The following ABTB3 variants were observed in gnomAD, a reference collection of about 807,000 sequenced individuals.
ABTB3 encodes ankyrin repeat and BTB domain containing 3.
At chr12:107,626,341 A>ATTTTTTTTTTTTTTTTTTTTTTT in the ABTB3 span, among the ~76,000 whole-genome samples, 2 of 107,864 alleles carry the variant, frequency 1.9e-5, no homozygotes, top group African/African-American at 7.3e-5. Context: ...TACTATCGTC[A>ATTTTTTTTTTTTTTTTTTTTTTT]TCTTTTTTTT....
chr12:107,461,186 G>A, the ABTB3 span, among the ~76,000 whole-genome samples: 36 of 152,210 alleles, frequency 2.4e-4, no homozygotes, highest in African/African-American at 7.0e-4. Flanking sequence ...CAGTATGGGC[G>A]AACCCACCCC....
chr12:107,354,119 C>T, the ABTB3 span, among the ~76,000 whole-genome samples: 2 of 152,268 alleles, frequency 1.3e-5, no homozygotes, highest in East Asian at 1.9e-4. Flanking sequence ...AATAGTTCCA[C>T]AACCTTCCCC....
At chr12:107,417,565 G>T in the ABTB3 span, among the ~76,000 whole-genome samples, 1 of 152,192 alleles carries the variant, frequency 6.6e-6, no homozygotes, top group Admixed American at 6.5e-5. Flanking sequence ...ACAACCTCAG[G>T]CAAGTTATTC....
chr12:107,342,297 C>T, the ABTB3 span, among the ~76,000 whole-genome samples: 4 of 151,974 alleles, frequency 2.6e-5, no homozygotes, highest in African/African-American at 9.7e-5. Flanking sequence ...CTGAAGCTTC[C>T]ATCCAAGCAG....
the ABTB3 span, among the ~76,000 whole-genome samples, chr12:107,418,272 G>A: frequency 6.6e-6 from 1 of 152,174 alleles, no homozygotes; most frequent in Non-Finnish European, 1.5e-5. Flanking sequence ...GATGCTTCCT[G>A]CCCTTGAATA....
chr12:107,442,147 C>T, the ABTB3 span, among the ~76,000 whole-genome samples: 1 of 152,198 alleles, frequency 6.6e-6, no homozygotes, highest in African/African-American at 2.4e-5. Context: ...CGACGAGTCT[C>T]TGCATTTCCG....
chr12:107,383,084 A>G, the ABTB3 span, among the ~76,000 whole-genome samples: 14 of 152,002 alleles, frequency 9.2e-5, no homozygotes, highest in African/African-American at 3.1e-4. Context: ...CCCTGACCCC[A>G]TGTCAAGGCC....
At chr12:107,624,015 T>G in the ABTB3 span, among the ~76,000 whole-genome samples, 2 of 152,104 alleles carry the variant, frequency 1.3e-5, no homozygotes, top group Non-Finnish European at 2.9e-5. Flanking sequence ...GCATTCCATG[T>G]CAGGGAACTG....
At chr12:107,419,886 C>A in the ABTB3 span, among the ~76,000 whole-genome samples, 1 of 152,196 alleles carries the variant, frequency 6.6e-6, no homozygotes, top group Admixed American at 6.5e-5. Flanking sequence ...GAGGGAGCAG[C>A]ATGAACCAAT....
chr12:107,530,961 T>C, the ABTB3 span, among the ~76,000 whole-genome samples: 4 of 152,208 alleles, frequency 2.6e-5, no homozygotes, highest in South Asian at 2.1e-4. Context: ...CAAGGCTTCA[T>C]TGGGCTGCCT....
At chr12:107,652,999 C>T in the ABTB3 span, among the ~76,000 whole-genome samples, 3 of 152,186 alleles carry the variant, frequency 2.0e-5, no homozygotes, top group Non-Finnish European at 4.4e-5. Flanking sequence ...GCAACCTCCT[C>T]CTGGGTTCAA....
At chr12:107,478,000 G>C in the ABTB3 span, among the ~76,000 whole-genome samples, 2 of 152,154 alleles carry the variant, frequency 1.3e-5, no homozygotes, top group South Asian at 4.1e-4. Context: ...AAGCCCTTTG[G>C]GAAGAAGACC....
chr12:107,623,702 C>T, the ABTB3 span, among the ~76,000 whole-genome samples: 2 of 152,124 alleles, frequency 1.3e-5, no homozygotes, highest in African/African-American at 2.4e-5. Context: ...TTCCCCTGGG[C>T]ATAATCAAGA....
At chr12:107,541,597 C>G in the ABTB3 span, among the ~76,000 whole-genome samples, 1 of 152,352 alleles carries the variant, frequency 6.6e-6, no homozygotes, top group Admixed American at 6.5e-5. Context: ...GAATGCTTTC[C>G]TCTTCGGAGA....
the ABTB3 span, among the ~76,000 whole-genome samples, chr12:107,364,534 G>A: frequency 6.6e-5 from 10 of 151,966 alleles, no homozygotes; most frequent in Admixed American, 2.6e-4. Context: ...CAGGTGATCC[G>A]CCCGCTTCAG....
the ABTB3 span, among the ~76,000 whole-genome samples, chr12:107,498,864 T>C: frequency 6.6e-6 from 1 of 152,358 alleles, no homozygotes; most frequent in South Asian, 2.1e-4. Context: ...GGGACCATTA[T>C]AATGCTGACC....
chr12:107,575,497 A>G, the ABTB3 span, among the ~76,000 whole-genome samples: 1 of 152,080 alleles, frequency 6.6e-6, no homozygotes, highest in Non-Finnish European at 1.5e-5. Context: ...AAACAACACA[A>G]AATTCTTCTC....
chr12:107,461,420 C>T, the ABTB3 span, among the ~76,000 whole-genome samples: 174 of 152,192 alleles, frequency 1.1e-3, no homozygotes, highest in East Asian at 4.3e-3. Flanking sequence ...TAGAGGGAGA[C>T]AGCTACAAGC....
the ABTB3 span, among the ~76,000 whole-genome samples, chr12:107,419,267 A>ACCTT: frequency 6.6e-6 from 1 of 152,140 alleles, no homozygotes; most frequent in Non-Finnish European, 1.5e-5. Context: ...TTGTTCTGTG[A>ACCTT]CCTTCTCCTC....
Sources: gnomAD v4.1 joint callset for allele counts (sites outside exome capture counted in the v4.1 genomes callset) on GRCh38, gnomAD v4.1.1 for gene constraint, MANE v1.5 for transcripts, NCBI Gene and HGNC (gene_info 2026-07-23, HGNC 2026-07-21) for gene names.